Variants in CRADD observed in about 807,000 individuals in gnomAD.
CRADD encodes death domain-containing protein CRADD.
Under a neutral mutation model 15.5 loss-of-function variants are expected in CRADD, and 9 were observed. The ratio of observed to expected loss-of-function variants is 0.58; its 90% CI spans 0.35 to 1.01. The LOEUF (loss-of-function observed/expected upper bound fraction) is 1.01. CRADD is among the 50% of genes least tolerant of loss of function. The probability of loss-of-function intolerance (pLI) is 0.02; values close to 1 mark genes in which losing one functional copy is unlikely to be tolerated. For missense variants in CRADD, 227 were observed against 250.3 expected, an observed-to-expected ratio of 0.91 and a Z score of 0.63; for synonymous variants, 118 against 107.6, an observed-to-expected ratio of 1.10 and a Z score of -0.60.
At chr12:93,795,107 C>T (rs1365557624) in intron 2 of CRADD, among the ~76,000 whole-genome samples, 1 of 152,100 alleles carries the variant, frequency 6.6e-6, no homozygotes. Flanking sequence ...TTTGCCCCTA[C>T]CTATAAAGTC....
intron 2 of CRADD, among the ~76,000 whole-genome samples, chr12:93,777,583 T>G (rs1247312567): frequency 1.3e-5 from 2 of 152,198 alleles, no homozygotes; most frequent in Non-Finnish European, 2.9e-5. Flanking sequence ...AGTTTTAAAT[T>G]TAGCAATTAA....
At chr12:93,863,190 T>G (rs776942013) in intron 2 of CRADD, among the ~76,000 whole-genome samples, 21 of 152,168 alleles carry the variant, frequency 1.4e-4, no homozygotes, top group Non-Finnish European at 2.1e-4. Flanking sequence ...GCAGTGGGCA[T>G]TGTCTCTGGT....
chr12:93,864,323 G>A (rs1593051823), intron 2 of CRADD, among the ~76,000 whole-genome samples: 1 of 152,044 alleles, frequency 6.6e-6, no homozygotes, highest in East Asian at 1.9e-4. Flanking sequence ...TGAAGTGCTG[G>A]GATTACAGAC....
intron 2 of CRADD, among the ~76,000 whole-genome samples, chr12:93,681,916 T>G (rs1955316479): frequency 6.6e-6 from 1 of 152,184 alleles, no homozygotes; most frequent in African/African-American, 2.4e-5. Context: ...TATATATGTT[T>G]TTTGTGTGTG....
chr12:93,704,173 A>G lies in CRADD; in HGVS notation c.298+25101A>G, dbSNP rs142580625. ...ATAATAGCAAAACTGGAAATTATTT[A>G]ATCTGGAAATCTCAATTTAATACTC... On this transcript the variant is annotated intron_variant, in intron 2 of 2. Transcript: ENST00000332896. Among the ~76,000 whole-genome samples the G allele has an allele frequency of 3.9e-3, 586 of 152,178 alleles. 1 individual carries two copies. The highest frequency in any genetic ancestry group is 0.013 in the African/African-American group (550 of 41,522).
chr12:93,679,232 C>G (rs1955231390), intron 2 of CRADD, among the ~76,000 whole-genome samples, 160 bp downstream of exon 2: 2 of 151,266 alleles, frequency 1.3e-5, no homozygotes, highest in African/African-American at 4.9e-5. Flanking sequence ...ACCTCTGCTT[C>G]CTGGGTTCAA....
downstream of CRADD, among the ~76,000 whole-genome samples, chr12:93,851,246 G>T (rs895091601): frequency 2.0e-5 from 3 of 152,280 alleles, no homozygotes; most frequent in African/African-American, 7.2e-5. Context: ...GGGCAAGGTG[G>T]TTCACCTCCT....
intron 2 of CRADD, among the ~76,000 whole-genome samples, chr12:93,689,009 G>T (rs1955502484): frequency 6.6e-6 from 1 of 152,080 alleles, no homozygotes; most frequent in Non-Finnish European, 1.5e-5. Flanking sequence ...TTTTTGGTTG[G>T]GGGAAGGCTA....
At chr12:93,732,779 A>T (rs1456244014) in intron 2 of CRADD, among the ~76,000 whole-genome samples, 1 of 152,228 alleles carries the variant, frequency 6.6e-6, no homozygotes, top group Non-Finnish European at 1.5e-5. Context: ...AGAGTTGTTG[A>T]GAGGATTAAA....
At chr12:93,781,282 A>G (rs1316022979) in intron 2 of CRADD, among the ~76,000 whole-genome samples, 2 of 152,220 alleles carry the variant, frequency 1.3e-5, no homozygotes, top group Non-Finnish European at 2.9e-5. Context: ...AGACAAAAAA[A>G]TCCCGCATTT....
At chr12:93,727,890 CTG>C (rs1195290579) in intron 2 of CRADD, among the ~76,000 whole-genome samples, 1 of 152,212 alleles carries the variant, frequency 6.6e-6, no homozygotes, top group Non-Finnish European at 1.5e-5. Flanking sequence ...AAGGGGGAAA[CTG>C]GGACCCACCC....
intron 2 of CRADD, among the ~76,000 whole-genome samples, chr12:93,722,715 A>G (rs761192418): frequency 2.6e-5 from 4 of 151,806 alleles, no homozygotes; most frequent in East Asian, 3.8e-4. Context: ...TACATTGCCT[A>G]TGTGTCCTTG....
At chr12:93,787,710 C>T (rs186542279) in intron 2 of CRADD, among the ~76,000 whole-genome samples, 2,040 of 152,202 alleles carry the variant, frequency 0.013, 24 homozygotes, top group Non-Finnish European at 0.019. Flanking sequence ...GATTATTCTG[C>T]CATGATTTAG....
intron 2 of CRADD, among the ~76,000 whole-genome samples, chr12:93,742,520 T>G (rs1266463688): frequency 2.6e-5 from 4 of 151,482 alleles, no homozygotes; most frequent in African/African-American, 4.9e-5. Flanking sequence ...CTGCAAGACC[T>G]GTTTATTTGC....
intron 2 of CRADD, among the ~76,000 whole-genome samples, chr12:93,830,326 C>T (rs879323169): frequency 7.9e-5 from 12 of 152,174 alleles, no homozygotes; most frequent in Non-Finnish European, 1.5e-4. Flanking sequence ...TGAATCTGCT[C>T]TAGAACAGTG....
chr12:93,802,177 T>C (rs1957483510), intron 2 of CRADD, among the ~76,000 whole-genome samples: 1 of 152,230 alleles, frequency 6.6e-6, no homozygotes, highest in Non-Finnish European at 1.5e-5. Flanking sequence ...GTCTTTTTCA[T>C]ATGACTTCTT....
chr12:93,762,434 A>T (rs1219718361), intron 2 of CRADD, among the ~76,000 whole-genome samples: 3 of 152,160 alleles, frequency 2.0e-5, no homozygotes, highest in African/African-American at 4.8e-5. Context: ...ACTTATAGAG[A>T]TGAGGGCAGT....
intron 2 of CRADD, among the ~76,000 whole-genome samples, chr12:93,793,607 A>G (rs1277224190): frequency 2.6e-5 from 4 of 152,184 alleles, no homozygotes; most frequent in African/African-American, 9.7e-5. Flanking sequence ...TTTCATAACA[A>G]ATAGTACTTC....
Position 93,747,621 on chromosome 12 carries a change from AC to A in CRADD, c.298+68550del, listed in dbSNP as rs372581818. Among the ~76,000 whole-genome samples the A allele has an allele frequency of 7.4e-4, 113 of 152,194 alleles. 4 individuals are homozygous for A. In the South Asian group the frequency reaches 0.023, roughly 31 times the overall value. Reference sequence around the variant, plus strand: ...GTAGCTGGGCCTACAGGCATGCGCCACAGTGCTGGCTAATTTTTGTATTTTT... The same window carrying A: ...GTAGCTGGGCCTACAGGCATGCGCCAAGTGCTGGCTAATTTTTGTATTTTT... On this transcript the variant is annotated intron_variant, in intron 2 of 2. Coordinates refer to ENST00000332896, the MANE Select transcript of CRADD (RefSeq NM_003805.5).
Sources: gnomAD v4.1 joint callset for allele counts (sites outside exome capture counted in the v4.1 genomes callset) on GRCh38, gnomAD v4.1.1 for gene constraint, MANE v1.5 for transcripts, NCBI Gene and HGNC (gene_info 2026-07-23, HGNC 2026-07-21) for gene names.